Variants in TMEM117 observed in about 807,000 individuals in gnomAD.
The protein encoded by TMEM117 is transmembrane protein 117.
A neutral mutation model predicts 52.4 loss-of-function variants in TMEM117; 27 were observed. The ratio of observed to expected loss-of-function variants is 0.51; its 90% CI spans 0.38 to 0.71. TMEM117 has a LOEUF of 0.71. TMEM117 is among the 30% of genes least tolerant of loss of function. The pLI, the probability that TMEM117 is intolerant of heterozygous loss-of-function variation, is 0.00. For missense variants in TMEM117, 556 were observed against 630.5 expected, an observed-to-expected ratio of 0.88 and a Z score of 1.26; for synonymous variants, 215 against 206.3, an observed-to-expected ratio of 1.04 and a Z score of -0.36.
At chr12:43,883,125 A>G (rs1376619564) in intron 2 of TMEM117, among the ~76,000 whole-genome samples, 1 of 152,192 alleles carries the variant, frequency 6.6e-6, no homozygotes, top group African/African-American at 2.4e-5. Flanking sequence ...GTTCTTTATA[A>G]TGTAAAACTT....
At chr12:43,862,287 G>A (rs1943504051) in intron 2 of TMEM117, among the ~76,000 whole-genome samples, 1 of 152,180 alleles carries the variant, frequency 6.6e-6, no homozygotes, top group African/African-American at 2.4e-5. Flanking sequence ...TCCTGCCTCA[G>A]CCACGGGAGT....
intron 3 of TMEM117, among the ~76,000 whole-genome samples, chr12:43,959,400 A>C (rs1945365310): frequency 6.6e-6 from 1 of 152,188 alleles, no homozygotes; most frequent in African/African-American, 2.4e-5. Flanking sequence ...ATTTTTCTCA[A>C]GGCTGATTTA....
chr12:43,898,690 A>G (rs1944254166), intron 2 of TMEM117, among the ~76,000 whole-genome samples: 1 of 152,158 alleles, frequency 6.6e-6, no homozygotes, highest in Non-Finnish European at 1.5e-5. Flanking sequence ...GTCGGTGTTA[A>G]ATAACTTACT....
intron 2 of TMEM117, among the ~76,000 whole-genome samples, chr12:43,846,192 CAGA>C (rs1943205046): frequency 1.3e-5 from 2 of 151,882 alleles, no homozygotes; most frequent in South Asian, 2.1e-4. Context: ...TTGATAATGA[CAGA>C]AGAAGAGACT....
chr12:44,155,271 C>A (rs1007022018), intron 4 of TMEM117, among the ~76,000 whole-genome samples: 1 of 152,002 alleles, frequency 6.6e-6, no homozygotes, highest in Non-Finnish European at 1.5e-5. Flanking sequence ...ATATACGAAA[C>A]ACATGTAAAG....
intron 4 of TMEM117, among the ~76,000 whole-genome samples, chr12:44,186,006 A>G (rs372959061): frequency 6.6e-6 from 1 of 152,156 alleles, no homozygotes; most frequent in South Asian, 2.1e-4. Context: ...CTTTTAAAAC[A>G]TGTAATCAGA....
rs553977808 is a variant in TMEM117, at chr12:44,085,438, A to G, written c.411-58087A>G. 2.0e-5 allele frequency among the ~76,000 whole-genome samples: 3 copies of G among 152,338 alleles called. No homozygotes were observed. The East Asian group carries it at 5.8e-4, about 29-fold the overall frequency. On this transcript the variant is annotated intron_variant, in intron 3 of 7. Coordinates refer to ENST00000266534, the MANE Select transcript of TMEM117 (RefSeq NM_032256.3). ...AATCCAAATAATAAAGCTGGTATCAAGGTGGCTAGTGGTTCTGGGGCTCTG... is the reference window on the plus strand; with the variant it reads ...AATCCAAATAATAAAGCTGGTATCAGGGTGGCTAGTGGTTCTGGGGCTCTG...
At position 43,944,275 on chromosome 12, in the gene TMEM117, A is replaced by C; in HGVS notation, c.343A>C (p.Thr115Pro). ...HGSWMTMFFS[T>P]ILFLFIFSHI... ...GTCGTGGATGACAATGTTCTTCAGCACAATTCTCTTTCTCTTCATATTTTC... is the reference window on the plus strand; with the variant it reads ...GTCGTGGATGACAATGTTCTTCAGCCCAATTCTCTTTCTCTTCATATTTTC... The change falls in exon 3 of 8, where the codon ACA (threonine) becomes CCA (proline). Residue 115 changes from threonine (T) to proline (P), a missense_variant. This residue lies in a region of TMEM117 where 328 missense variants were observed against 371.4 expected (regional missense o/e 0.88). Transcript: ENST00000266534. The C allele has an allele frequency of 6.2e-7, 1 of 1,613,394 alleles. No individual in the cohort carries two copies. The highest frequency in any genetic ancestry group is 8.5e-7 in the Non-Finnish European group (1 of 1,179,426).
chr12:44,391,107 C>G (rs889160415), downstream of TMEM117, among the ~76,000 whole-genome samples: 2 of 152,084 alleles, frequency 1.3e-5, no homozygotes, highest in Non-Finnish European at 2.9e-5. Flanking sequence ...GTACTATAAA[C>G]AATTATATTT....
At chr12:44,341,529 T>G (rs1951416741) in intron 6 of TMEM117, among the ~76,000 whole-genome samples, 1 of 152,188 alleles carries the variant, frequency 6.6e-6, no homozygotes, top group African/African-American at 2.4e-5. Flanking sequence ...ACTGTTCAGT[T>G]GATTCTGTAT....
chr12:44,141,021 A>T (rs1948563526), intron 3 of TMEM117, among the ~76,000 whole-genome samples: 1 of 152,086 alleles, frequency 6.6e-6, no homozygotes, highest in Non-Finnish European at 1.5e-5. Flanking sequence ...TCTGTTCTTC[A>T]CAGTTCTAAC....
the TMEM117 span, chr12:43,804,198 G>A: frequency 2.2e-6 from 1 of 452,512 alleles, no homozygotes; most frequent in Middle Eastern, 3.2e-4. Flanking sequence ...TTCCATTCCA[G>A]AGATGGAAGC....
chr12:43,989,942 C>T (rs1002302342), intron 3 of TMEM117, among the ~76,000 whole-genome samples: 1 of 151,960 alleles, frequency 6.6e-6, no homozygotes, highest in Non-Finnish European at 1.5e-5. Context: ...CCATACAATG[C>T]CTTTGAATAA....
At chr12:43,885,087 C>T (rs992331069) in intron 2 of TMEM117, among the ~76,000 whole-genome samples, 12 of 152,168 alleles carry the variant, frequency 7.9e-5, no homozygotes, top group East Asian at 1.9e-4. Flanking sequence ...CCCAGATAGT[C>T]GCTACCCGAG....
chr12:44,358,493 C>T (rs2138801546), intron 6 of TMEM117, among the ~76,000 whole-genome samples: 1 of 152,192 alleles, frequency 6.6e-6, no homozygotes, highest in South Asian at 2.1e-4. Flanking sequence ...TAATTCTACT[C>T]AGAGATTGTG....
At chr12:43,991,700 C>T (rs1026227018) in intron 3 of TMEM117, among the ~76,000 whole-genome samples, 37 of 152,054 alleles carry the variant, frequency 2.4e-4, no homozygotes, top group Admixed American at 9.8e-4. Flanking sequence ...TTATTATCTA[C>T]GGACAAAATG....
chr12:44,308,980 G>C (rs1950939497), intron 6 of TMEM117, among the ~76,000 whole-genome samples: 1 of 152,090 alleles, frequency 6.6e-6, no homozygotes. Flanking sequence ...TCCTCTATGA[G>C]CTTTTTAAGT....
At chr12:44,321,341 C>T (rs1951126842) in intron 6 of TMEM117, among the ~76,000 whole-genome samples, 1 of 152,134 alleles carries the variant, frequency 6.6e-6, no homozygotes, top group Admixed American at 6.5e-5. Flanking sequence ...AATGGGTATC[C>T]TCTATGCGTG....
intron 4 of TMEM117, among the ~76,000 whole-genome samples, chr12:44,202,793 C>CACTTTTTT (rs60018269): frequency 7.0e-6 from 1 of 142,872 alleles, no homozygotes. Context: ...GAAGTGGTAG[C>CACTTTTTT]TTTTTTTTTT....
Sources: allele counts gnomAD v4.1 joint callset (sites outside exome capture counted in the v4.1 genomes callset), GRCh38; gene constraint gnomAD v4.1.1; regional missense constraint gnomAD v4.1.1; transcripts MANE v1.5; gene names NCBI Gene and HGNC (gene_info 2026-07-23, HGNC 2026-07-21).